Variants in ADGRB3 observed in about 807,000 individuals in gnomAD.
ADGRB3 encodes the protein adhesion G protein-coupled receptor B3.
Under a neutral mutation model 193.4 loss-of-function variants are expected in ADGRB3, and 37 were observed. The ratio of observed to expected loss-of-function variants is 0.19; its 90% CI spans 0.15 to 0.25. The LOEUF is 0.25. ADGRB3 is among the 10% of genes least tolerant of loss of function. The probability of loss-of-function intolerance (pLI) is 1.00; values close to 1 mark genes in which losing one functional copy is unlikely to be tolerated. For missense variants in ADGRB3, 1,637 were observed against 1,852.9 expected (o/e 0.88, Z 2.14); for synonymous variants, 690 against 644.2 (o/e 1.07, Z -1.08).
chr6:68,722,971 C>T (rs913417822), intron 3 of ADGRB3, among the ~76,000 whole-genome samples: 1 of 151,670 alleles, frequency 6.6e-6, no homozygotes, highest in African/African-American at 2.4e-5. Context: ...TCATGGTACA[C>T]TCTGGAGGGA....
At chr6:69,051,655 C>A (rs35797298) in intron 15 of ADGRB3, among the ~76,000 whole-genome samples, 27,385 of 152,100 alleles carry the variant, frequency 0.18, 2,608 homozygotes, top group Middle Eastern at 0.25. Flanking sequence ...GCTTGTTTTT[C>A]TCCTTTTCAA....
At chr6:69,147,858 T>G (rs978342254) in intron 17 of ADGRB3, among the ~76,000 whole-genome samples, 1 of 152,204 alleles carries the variant, frequency 6.6e-6, no homozygotes, top group Admixed American at 6.5e-5. Context: ...AATTGATGTA[T>G]CTTCCTATTG....
intron 17 of ADGRB3, among the ~76,000 whole-genome samples, chr6:69,098,206 G>A (rs553979725): frequency 6.6e-6 from 1 of 152,266 alleles, no homozygotes; most frequent in Admixed American, 6.5e-5. Flanking sequence ...TAAAAGTGGT[G>A]GGATAACAGG....
intron 20 of ADGRB3, among the ~76,000 whole-genome samples, chr6:69,255,895 G>A (rs1482021117): frequency 6.6e-6 from 1 of 152,120 alleles, no homozygotes; most frequent in Non-Finnish European, 1.5e-5. Flanking sequence ...TGTAAGGAAG[G>A]GATCCGGTTT....
intron 13 of ADGRB3, among the ~76,000 whole-genome samples, chr6:69,029,055 A>G (rs2793454): frequency 0.96 from 145,471 of 152,156 alleles, 69,841 homozygotes; most frequent in East Asian, 1. Context: ...TTTCCCCTTT[A>G]CATCTTGGTA....
intron 8 of ADGRB3, among the ~76,000 whole-genome samples, chr6:68,967,013 A>G (rs1768399623): frequency 6.6e-6 from 1 of 152,200 alleles, no homozygotes; most frequent in South Asian, 2.1e-4. Flanking sequence ...ATGCCAAGTC[A>G]CCTTTGATAA....
chr6:68,981,929 G>T (rs1340616473), intron 10 of ADGRB3, among the ~76,000 whole-genome samples: 1 of 143,316 alleles, frequency 7.0e-6, no homozygotes, highest in Non-Finnish European at 1.6e-5. Flanking sequence ...CCAGGCTAGA[G>T]TGCAATGGTG....
intron 20 of ADGRB3, among the ~76,000 whole-genome samples, chr6:69,298,226 C>T (rs1027621732): frequency 6.6e-6 from 1 of 151,934 alleles, no homozygotes; most frequent in Non-Finnish European, 1.5e-5. Context: ...TGGAACATTG[C>T]TGGTCATAGA....
intron 20 of ADGRB3, among the ~76,000 whole-genome samples, chr6:69,263,988 A>G (rs1046102598): frequency 5.9e-5 from 9 of 151,972 alleles, no homozygotes; most frequent in Non-Finnish European, 5.9e-5. Context: ...ATATCCTTAC[A>G]TCTCATAATA....
chr6:68,701,122 A>T (rs887453712), intron 3 of ADGRB3, among the ~76,000 whole-genome samples: 1 of 151,840 alleles, frequency 6.6e-6, no homozygotes, highest in African/African-American at 2.4e-5. Flanking sequence ...AATTATAAAA[A>T]GCACTTCAAA....
chr6:68,731,289 G>T (rs959278875), intron 3 of ADGRB3, among the ~76,000 whole-genome samples: 1 of 151,182 alleles, frequency 6.6e-6, no homozygotes, highest in Non-Finnish European at 1.5e-5. Flanking sequence ...ATTATATATT[G>T]TAAACATTTT....
intron 3 of ADGRB3, among the ~76,000 whole-genome samples, chr6:68,839,387 G>A (rs1768107671): frequency 6.6e-6 from 1 of 152,128 alleles, no homozygotes; most frequent in South Asian, 2.1e-4. Flanking sequence ...TCATTATGTA[G>A]TGTCAAAAGA....
intron 3 of ADGRB3, among the ~76,000 whole-genome samples, chr6:68,758,595 G>T (rs1359503883): frequency 2.0e-5 from 3 of 151,930 alleles, no homozygotes; most frequent in Non-Finnish European, 4.4e-5. Context: ...TAAGTCCCAG[G>T]ATATCACATA....
intron 3 of ADGRB3, among the ~76,000 whole-genome samples, chr6:68,923,382 A>G (rs1767098150): frequency 6.6e-6 from 1 of 152,072 alleles, no homozygotes; most frequent in Non-Finnish European, 1.5e-5. Context: ...TTCAAGTACA[A>G]TAAAGATGTA....
chr6:69,351,120 T>C (rs1270397961), intron 26 of ADGRB3, among the ~76,000 whole-genome samples: 1 of 148,676 alleles, frequency 6.7e-6, no homozygotes, highest in Non-Finnish European at 1.5e-5. Flanking sequence ...TGAGACATAG[T>C]CTTGCTCTTG....
chr6:69,230,477 C>T lies in ADGRB3; in HGVS notation c.2481-2813C>T, dbSNP rs1403485909. On this transcript the variant is annotated intron_variant, in intron 17 of 31. Coordinates refer to ENST00000370598, the MANE Select transcript of ADGRB3 (RefSeq NM_001704.3). ...ATATCAATTTGCTTTACAAGGCCTC[C>T]CTGAAATCAATCAGACATGTGTACC... Among the ~76,000 whole-genome samples the T allele has an allele frequency of 3.3e-5, 5 of 152,096 alleles. No individual in the cohort carries two copies. In the East Asian group the frequency reaches 9.6e-4, roughly 29 times the overall value.
chr6:69,296,594 T>C (rs149812825), intron 20 of ADGRB3, among the ~76,000 whole-genome samples: 2,846 of 152,220 alleles, frequency 0.019, 89 homozygotes, highest in African/African-American at 0.065. Context: ...AATTACTCCG[T>C]ATAAAGTGAA....
intron 15 of ADGRB3, among the ~76,000 whole-genome samples, chr6:69,055,319 A>G (rs1435400328): frequency 1.3e-5 from 2 of 152,138 alleles, no homozygotes; most frequent in Non-Finnish European, 2.9e-5. Context: ...CTTAGCAACT[A>G]TCATTCTATT....
At chr6:68,870,246 A>G (rs772196710) in intron 3 of ADGRB3, among the ~76,000 whole-genome samples, 2 of 152,230 alleles carry the variant, frequency 1.3e-5, no homozygotes, top group Admixed American at 1.3e-4. Flanking sequence ...TAATAGGGCA[A>G]TGACTCTGAA....
Sources: allele counts gnomAD v4.1 joint callset (sites outside exome capture counted in the v4.1 genomes callset), GRCh38; gene constraint gnomAD v4.1.1; transcripts MANE v1.5; gene names NCBI Gene and HGNC (gene_info 2026-07-23, HGNC 2026-07-21).